Variants in C8orf34 observed in about 807,000 individuals in gnomAD.
The protein encoded by C8orf34 is uncharacterized protein C8orf34.
Under a neutral mutation model 68.3 loss-of-function variants are expected in C8orf34, and 65 were observed. The ratio of observed to expected loss-of-function variants is 0.95; its 90% CI spans 0.78 to 1.17. The LOEUF (loss-of-function observed/expected upper bound fraction) is 1.17, where lower values mean the gene tolerates loss of function less well. Ranked by LOEUF, C8orf34 falls within the 50% of genes most tolerant of loss-of-function variation. The pLI, the probability that C8orf34 is intolerant of heterozygous loss-of-function variation, is 0.00. For missense variants in C8orf34, 664 were observed against 655.4 expected (o/e 1.01, Z -0.14); for synonymous variants, 244 against 241.2 (o/e 1.01, Z -0.11).
At chr8:68,682,194 A>T (rs1427333947) in intron 8 of C8orf34, among the ~76,000 whole-genome samples, 6 of 152,170 alleles carry the variant, frequency 3.9e-5, no homozygotes, top group Admixed American at 1.3e-4. Flanking sequence ...ACATTTAAAA[A>T]TAGCTAAAAT....
intron 1 of C8orf34, among the ~76,000 whole-genome samples, chr8:68,359,295 C>A (rs1314187189): frequency 6.6e-6 from 1 of 152,052 alleles, no homozygotes; most frequent in Non-Finnish European, 1.5e-5. Flanking sequence ...TCCTGAGCAA[C>A]CCATTCAATT....
At chr8:68,418,084 G>C (rs942729972) in intron 1 of C8orf34, among the ~76,000 whole-genome samples, 3 of 147,032 alleles carry the variant, frequency 2.0e-5, no homozygotes, top group Non-Finnish European at 4.5e-5. Flanking sequence ...CTCATGATTT[G>C]GCTCTTGGTT....
intron 8 of C8orf34, among the ~76,000 whole-genome samples, chr8:68,670,245 C>T (rs1819966332): frequency 6.6e-6 from 1 of 152,296 alleles, no homozygotes; most frequent in East Asian, 1.9e-4. Flanking sequence ...GAATGAAAGA[C>T]TTTCTAATCT....
At chr8:68,428,188 A>C (rs1047845380) in intron 1 of C8orf34, among the ~76,000 whole-genome samples, 1 of 151,914 alleles carries the variant, frequency 6.6e-6, no homozygotes, top group Non-Finnish European at 1.5e-5. Flanking sequence ...GTGCAAACTG[A>C]AATACAGAGA....
At chr8:68,775,341 A>T (rs1374245319) in intron 10 of C8orf34, among the ~76,000 whole-genome samples, 1 of 152,208 alleles carries the variant, frequency 6.6e-6, no homozygotes. Flanking sequence ...TTATAATTTC[A>T]TGATATTTCA....
At chr8:68,392,452 C>CT (rs1808515876) in intron 1 of C8orf34, among the ~76,000 whole-genome samples, 1 of 151,774 alleles carries the variant, frequency 6.6e-6, no homozygotes, top group African/African-American at 2.4e-5. Context: ...ATATGTTACC[C>CT]TTGAGTTGCA....
rs569200910 is a variant in C8orf34 at position 68,780,136 on chromosome 8, G to T, written c.1455+3687G>T. Among the ~76,000 whole-genome samples, 4 of 152,060 alleles carry T rather than the reference G, an allele frequency of 2.6e-5. No individual in the cohort carries two copies. In the East Asian group the frequency reaches 5.8e-4, roughly 22 times the overall value. On this transcript the variant is annotated intron_variant, in intron 11 of 13. Transcript: ENST00000518698. Reference sequence around the variant, plus strand: ...ACTATCCATAGGATAACACTCTATCGCATTCTAATGGACACAATTTACACT... The same window carrying T: ...ACTATCCATAGGATAACACTCTATCTCATTCTAATGGACACAATTTACACT...
intron 8 of C8orf34, among the ~76,000 whole-genome samples, chr8:68,682,075 A>T (rs1193199045): frequency 6.6e-6 from 1 of 152,168 alleles, no homozygotes; most frequent in Non-Finnish European, 1.5e-5. Context: ...ATATAATTAG[A>T]TAGAACAAAT....
intron 6 of C8orf34, among the ~76,000 whole-genome samples, chr8:68,528,793 A>T (rs545155445): frequency 6.6e-6 from 1 of 152,126 alleles, no homozygotes. Context: ...CATCATCCTT[A>T]TTCTTAACTA....
rs1810813746 is a variant in C8orf34 at position 68,439,626 on chromosome 8, G to T, written c.455G>T (p.Trp152Leu). The T allele has an allele frequency of 6.2e-7, 1 of 1,611,094 alleles. No homozygotes were observed. The highest frequency in any genetic ancestry group is 8.5e-7 in the Non-Finnish European group (1 of 1,179,142). The change falls in exon 2 of 14, where the codon TGG (tryptophan) becomes TTG (leucine). Residue 152 changes from tryptophan to leucine, a missense_variant. Trp to Leu is a moderately conservative substitution (Grantham distance 61). Transcript: ENST00000518698. ...ACTTTGTCTGGATCTGCAGCTCTAT[G>T]GGCAGAAAGTGAAAAATCAGGTAAA... ...QRTLSGSAALWAESEKSESKG... is the reference protein window; with the variant it reads ...QRTLSGSAALLAESEKSESKG...
At chr8:68,766,654 T>A (rs1485658194) in intron 10 of C8orf34, among the ~76,000 whole-genome samples, 8 of 152,204 alleles carry the variant, frequency 5.3e-5, no homozygotes, top group Admixed American at 5.2e-4. Context: ...TAGGCACATA[T>A]CTTGGAGATA....
chr8:68,410,441 C>G (rs1340728332), intron 1 of C8orf34, among the ~76,000 whole-genome samples: 1 of 152,086 alleles, frequency 6.6e-6, no homozygotes, highest in Non-Finnish European at 1.5e-5. Flanking sequence ...ATCTAGAGAT[C>G]ATTTAAAGTA....
At chr8:68,676,886 A>C (rs1285953156) in intron 8 of C8orf34, among the ~76,000 whole-genome samples, 1 of 152,162 alleles carries the variant, frequency 6.6e-6, no homozygotes, top group African/African-American at 2.4e-5. Flanking sequence ...GTGGCAGGCA[A>C]AGAGAGAGTT....
chr8:68,695,148 C>CTTT (rs111296235), intron 8 of C8orf34, among the ~76,000 whole-genome samples: 8 of 139,162 alleles, frequency 5.7e-5, no homozygotes, highest in Admixed American at 2.2e-4. Flanking sequence ...CTGTTTATTC[C>CTTT]TTTTTTTTTT....
At chr8:68,431,810 A>T (rs756882755) in intron 1 of C8orf34, among the ~76,000 whole-genome samples, 1 of 152,152 alleles carries the variant, frequency 6.6e-6, no homozygotes, top group Non-Finnish European at 1.5e-5. Flanking sequence ...AGTGTCTATG[A>T]TTCAGCTTTA....
In C8orf34 at chr8:68,639,046, A is replaced by C. The variant is rs545223924; in HGVS notation, c.1106-1330A>C. ...GAGAGGAAGAGAGTAACAGACTCTC[A>C]TGAGTGTTTAATGCTGGCTGAAAAG... On this transcript the variant is annotated intron_variant, in intron 7 of 13. Transcript: ENST00000518698. Among the ~76,000 whole-genome samples, 319 of 152,212 alleles carry C rather than the reference A, an allele frequency of 2.1e-3. 1 individual carries two copies. The highest frequency in any genetic ancestry group is 7.3e-3 in the African/African-American group (302 of 41,532).
At chr8:68,553,333 T>C (rs112030490) in intron 7 of C8orf34, among the ~76,000 whole-genome samples, 30,000 of 137,960 alleles carry the variant, frequency 0.22, 4,114 homozygotes, top group African/African-American at 0.41. Context: ...TGCAATGAGC[T>C]GAGATGGAGC....
intron 1 of C8orf34, among the ~76,000 whole-genome samples, chr8:68,400,543 CTA>C (rs1808904410): frequency 6.6e-6 from 1 of 151,950 alleles, no homozygotes; most frequent in African/African-American, 2.4e-5. Flanking sequence ...TTCTGTTGAT[CTA>C]TGTGTCTGTT....
chr8:68,764,068 G>T (rs1454645423), intron 10 of C8orf34, among the ~76,000 whole-genome samples: 4 of 152,338 alleles, frequency 2.6e-5, no homozygotes, highest in Non-Finnish European at 5.9e-5. Flanking sequence ...GGTCTGAGGA[G>T]TGGGCAAGAG....
Sources: gnomAD v4.1 joint callset for allele counts (sites outside exome capture counted in the v4.1 genomes callset) on GRCh38, gnomAD v4.1.1 for gene constraint, MANE v1.5 for transcripts, NCBI Gene and HGNC (gene_info 2026-07-23, HGNC 2026-07-21) for gene names.